Variants in AKAP13 observed in about 807,000 individuals in gnomAD.
AKAP13 encodes the protein A-kinase anchor protein 13.
Under a neutral mutation model 264.5 loss-of-function variants are expected in AKAP13, and 80 were observed. The observed-to-expected ratio is 0.30, with a 90% CI of 0.25 to 0.36. AKAP13 has a LOEUF of 0.36. Ranked by LOEUF, AKAP13 falls within the 10% of genes least tolerant of loss-of-function variation. The pLI, the probability that AKAP13 is intolerant of heterozygous loss-of-function variation, is 1.00. For synonymous variants in AKAP13, 1,380 were observed against 1,250.2 expected (o/e 1.10, Z -2.19); for missense variants, 3,712 against 3,435.2 (o/e 1.08, Z -2.01).
intron 17 of AKAP13, among the ~76,000 whole-genome samples, chr15:85,701,967 C>A (rs1228227215): frequency 6.6e-6 from 1 of 151,908 alleles, no homozygotes; most frequent in Non-Finnish European, 1.5e-5. Context: ...GGGGGTAGGC[C>A]AGGCACGGTG....
chr15:85,677,091 G>A (rs991855009), intron 14 of AKAP13: 2 of 985,428 alleles, frequency 2.0e-6, no homozygotes, highest in Non-Finnish European at 2.4e-6. Flanking sequence ...AGGAGGAGGA[G>A]TTGCATAGTA....
At chr15:85,563,865 C>T (rs146188609) in intron 5 of AKAP13, among the ~76,000 whole-genome samples, 1 of 152,208 alleles carries the variant, frequency 6.6e-6, no homozygotes, top group Non-Finnish European at 1.5e-5. Context: ...AGGACTGTTA[C>T]ATTTTTTATA....
chr15:85,724,172 C>T lies in AKAP13; in HGVS notation c.6745+852C>T, dbSNP rs2087465902. Among the ~76,000 whole-genome samples, 1 of 152,166 alleles carries T rather than the reference C, an allele frequency of 6.6e-6. No homozygotes were observed. Among genetic ancestry groups the T allele is most frequent in the Non-Finnish European group, 1.5e-5 (1 of 68,032 alleles). On this transcript the variant is annotated intron_variant, in intron 26 of 36. Coordinates refer to ENST00000394518, the MANE Select transcript of AKAP13 (RefSeq NM_007200.5). This position sits in a 1 kb window ranked among gnomAD's most constrained non-coding sequence, Gnocchi z 4.2. ...GAGGAAATGGGTGCTGCTTTCATTTCTGAGGTATAAGTGATGATGTAGATA... is the reference window on the plus strand; with the variant it reads ...GAGGAAATGGGTGCTGCTTTCATTTTTGAGGTATAAGTGATGATGTAGATA...
intron 1 of AKAP13, among the ~76,000 whole-genome samples, chr15:85,421,641 C>G (rs1461941540): frequency 2.0e-5 from 3 of 152,192 alleles, no homozygotes. Context: ...TTGCCCTTCT[C>G]TCTAATATTC....
intron 8 of AKAP13, among the ~76,000 whole-genome samples, chr15:85,624,871 A>G (rs2081343636): frequency 6.6e-6 from 1 of 152,260 alleles, no homozygotes; most frequent in Admixed American, 6.5e-5. Flanking sequence ...CAAGGGGTCC[A>G]TAGGCTTCAT....
intron 1 of AKAP13, among the ~76,000 whole-genome samples, chr15:85,385,515 C>T (rs1030410475): frequency 6.6e-6 from 1 of 152,232 alleles, no homozygotes; most frequent in African/African-American, 2.4e-5. Flanking sequence ...CAGAATTCTT[C>T]TGAGCCCTTT....
intron 1 of AKAP13, among the ~76,000 whole-genome samples, chr15:85,390,060 T>A (rs113571042): frequency 2.0e-5 from 3 of 152,368 alleles, no homozygotes; most frequent in African/African-American, 7.2e-5. Flanking sequence ...AAATCTAATC[T>A]TCTCTTTTCT....
At chr15:85,427,186 T>A (rs1221631277) in intron 1 of AKAP13, among the ~76,000 whole-genome samples, 1 of 151,954 alleles carries the variant, frequency 6.6e-6, no homozygotes, top group Non-Finnish European at 1.5e-5. Context: ...CGATCTCATG[T>A]CCTTGTGATC....
chr15:85,485,121 T>C (rs1052489604), intron 1 of AKAP13, among the ~76,000 whole-genome samples: 2 of 152,220 alleles, frequency 1.3e-5, no homozygotes, highest in African/African-American at 4.8e-5. Context: ...GGAAGCCTTC[T>C]CTAAATCTTA....
At chr15:85,699,327 C>A (rs534693514) in intron 17 of AKAP13, among the ~76,000 whole-genome samples, 21 of 151,910 alleles carry the variant, frequency 1.4e-4, no homozygotes, top group African/African-American at 4.1e-4. Context: ...GCCTGTAATC[C>A]CAGCTACTCA....
Position 85,393,658 on chromosome 15 carries a change from T to C in AKAP13, c.-12+12860T>C, listed in dbSNP as rs1043446463. ...CTCTTAATTCCTTACAGTAATCCTA[T>C]AAGACAGATATTATTCTTTCTCCCT... is the stretch of plus-strand genomic sequence containing the variant. On this transcript the variant is annotated intron_variant, in intron 1 of 36. Coordinates refer to ENST00000394518, the MANE Select transcript of AKAP13 (RefSeq NM_007200.5). 3.9e-5 allele frequency among the ~76,000 whole-genome samples: 6 copies of C among 152,338 alleles called. No homozygotes were observed. The Middle Eastern group carries it at 0.01, about 259-fold the overall frequency.
At chr15:85,633,185 G>A (rs991909246) in intron 8 of AKAP13, among the ~76,000 whole-genome samples, 2 of 152,044 alleles carry the variant, frequency 1.3e-5, no homozygotes, top group Non-Finnish European at 2.9e-5. Context: ...TTTTAATAGG[G>A]TTTTCTAAAC....
chr15:85,436,597 C>T lies in AKAP13; in HGVS notation c.-11-49113C>T, dbSNP rs866822150. Among the ~76,000 whole-genome samples the T allele has an allele frequency of 8.9e-3, 1,297 of 145,682 alleles. 15 individuals carry two copies. Among genetic ancestry groups the T allele is most frequent in the Middle Eastern group, 0.047 (13 of 276 alleles). On this transcript the variant is annotated intron_variant, in intron 1 of 36. Coordinates refer to ENST00000394518, the MANE Select transcript of AKAP13 (RefSeq NM_007200.5). ...GCTCTCCTCAGCAAATGTAAAAGAA[C>T]AGAAATTATAACAAACTATCTCTCA...
intron 14 of AKAP13, among the ~76,000 whole-genome samples, chr15:85,672,160 A>G (rs556577745): frequency 2.6e-5 from 4 of 152,314 alleles, no homozygotes; most frequent in African/African-American, 9.6e-5. Flanking sequence ...GTGGAGCTTC[A>G]AGCAAGAGTT....
chr15:85,572,919 G>C (rs758236915), intron 5 of AKAP13, among the ~76,000 whole-genome samples: 24 of 152,182 alleles, frequency 1.6e-4, no homozygotes, highest in African/African-American at 5.6e-4. Context: ...AACATGTGGT[G>C]TTTGGTTTTC....
intron 1 of AKAP13, among the ~76,000 whole-genome samples, chr15:85,413,777 C>T (rs916268648): frequency 6.6e-6 from 1 of 152,038 alleles, no homozygotes; most frequent in African/African-American, 2.4e-5. Flanking sequence ...TGATTGAGAG[C>T]GCCTCAGAAG....
chr15:85,730,557 G>A lies in AKAP13; in HGVS notation c.7132G>A (p.Glu2378Lys). The change falls in exon 30 of 37, where the codon GAG becomes AAG. Residue 2378 changes from glutamate (E) to lysine (K), a missense_variant. Glu to Lys is a moderately conservative substitution (Grantham distance 56). Transcript: ENST00000394518. The stretch of plus-strand genomic sequence containing the variant: ...CCAAAAAATCCTACTCTTGTTGGAA[G>A]AGAAGGAGATGATTTTCCGGGACAT... ...KDQKILLLLE[E>K]KEMIFRDMAE... The A allele has an allele frequency of 6.2e-7, 1 of 1,614,162 alleles. No homozygotes were observed. Among genetic ancestry groups the A allele is most frequent in the South Asian group, 1.1e-5 (1 of 91,084 alleles).
At chr15:85,465,937 C>T (rs2074721385) in intron 1 of AKAP13, among the ~76,000 whole-genome samples, 1 of 149,402 alleles carries the variant, frequency 6.7e-6, no homozygotes, top group African/African-American at 2.5e-5. Flanking sequence ...CACTGACTTC[C>T]ACAATGGTTG....
At chr15:85,713,612 C>A (rs987013695) in intron 19 of AKAP13, among the ~76,000 whole-genome samples, 20 of 152,200 alleles carry the variant, frequency 1.3e-4, no homozygotes, top group African/African-American at 4.8e-4. Context: ...ATCCCATAAT[C>A]CTTGTGTACT....
Sources: allele counts gnomAD v4.1 joint callset (sites outside exome capture counted in the v4.1 genomes callset), GRCh38; gene constraint gnomAD v4.1.1; non-coding constraint Gnocchi (gnomAD v3.1); transcripts MANE v1.5; gene names NCBI Gene and HGNC (gene_info 2026-07-23, HGNC 2026-07-21).